ST6GALNAC3: variants seen among roughly 807,000 people sequenced by gnomAD.
ST6GALNAC3 encodes alpha-N-acetylgalactosaminide alpha-2,6-sialyltransferase 3.
A neutral mutation model predicts 32.7 loss-of-function variants in ST6GALNAC3; 25 were observed. The ratio of observed to expected loss-of-function variants is 0.76; its 90% confidence interval spans 0.56 to 1.07. ST6GALNAC3 has a LOEUF of 1.07. Ranked by LOEUF, ST6GALNAC3 falls within the 50% of genes least tolerant of loss-of-function variation. The probability of loss-of-function intolerance (pLI) is 0.00; values close to 1 mark genes in which losing one functional copy is unlikely to be tolerated. For synonymous variants in ST6GALNAC3, 129 were observed against 133.1 expected (o/e 0.97, Z 0.21); for missense variants, 355 against 382.4 (o/e 0.93, Z 0.60).
At chr1:76,341,677 CT>C (rs879611933) in intron 2 of ST6GALNAC3, among the ~76,000 whole-genome samples, 2,238 of 139,908 alleles carry the variant, frequency 0.016, 50 homozygotes, top group African/African-American at 0.024. Flanking sequence ...TTCTTTCTTT[CT>C]TTCCTTCTTT....
intron 3 of ST6GALNAC3, among the ~76,000 whole-genome samples, chr1:76,460,353 A>T (rs1248618605): frequency 1.3e-5 from 2 of 152,168 alleles, no homozygotes; most frequent in Non-Finnish European, 2.9e-5. Flanking sequence ...TTCAAGCATA[A>T]ATCTATAGAC....
intron 1 of ST6GALNAC3, among the ~76,000 whole-genome samples, chr1:76,156,798 C>G (rs1026464733): frequency 6.6e-6 from 1 of 152,206 alleles, no homozygotes; most frequent in Non-Finnish European, 1.5e-5. Context: ...GTGGCGCGAT[C>G]TTGGCTCACT....
intron 3 of ST6GALNAC3, among the ~76,000 whole-genome samples, chr1:76,541,053 G>A (rs778705570): frequency 2.6e-5 from 4 of 152,136 alleles, no homozygotes; most frequent in Non-Finnish European, 5.9e-5. Flanking sequence ...CAGGAAGGGA[G>A]TTTCAGAGGA....
At chr1:76,598,330 G>T (rs1055604252) in intron 3 of ST6GALNAC3, among the ~76,000 whole-genome samples, 2 of 152,094 alleles carry the variant, frequency 1.3e-5, no homozygotes, top group Non-Finnish European at 2.9e-5. Context: ...TTCTTCCTGA[G>T]CACGTGCCAG....
rs568402833 is a variant in ST6GALNAC3, at chr1:76,389,195, T to C, written c.214-22813T>C. ...GAGCTCTGGGCTAGGTCCTGCATGATGAAAAGGTATCTGCAAAATGGGAGG... is the reference window on the plus strand; with the variant it reads ...GAGCTCTGGGCTAGGTCCTGCATGACGAAAAGGTATCTGCAAAATGGGAGG... On this transcript the variant is annotated intron_variant, in intron 2 of 4. Coordinates refer to ENST00000328299, the MANE Select transcript of ST6GALNAC3 (RefSeq NM_152996.4). Among the ~76,000 whole-genome samples the C allele has an allele frequency of 3.9e-3, 596 of 152,070 alleles. 1 individual carries two copies. Among genetic ancestry groups the C allele is most frequent in the Non-Finnish European group, 5.9e-3 (400 of 67,974 alleles).
chr1:76,599,663 A>G (rs1310547868), intron 3 of ST6GALNAC3, among the ~76,000 whole-genome samples: 1 of 151,792 alleles, frequency 6.6e-6, no homozygotes, highest in Non-Finnish European at 1.5e-5. Context: ...GGAATATCCA[A>G]GTAATTCTAG....
chr1:76,478,084 G>A (rs577470243), intron 3 of ST6GALNAC3, among the ~76,000 whole-genome samples: 6 of 152,264 alleles, frequency 3.9e-5, no homozygotes, highest in Non-Finnish European at 7.4e-5. Context: ...GCTCCTTACT[G>A]GGGAGAATAG....
Position 76,629,744 on chromosome 1 carries a change from A to G in ST6GALNAC3, c.*938A>G. On this transcript the variant is annotated 3_prime_UTR_variant, in exon 5 of 5. Coordinates refer to ENST00000328299, the MANE Select transcript of ST6GALNAC3 (RefSeq NM_152996.4). ...ATTTTTAAAATCATGAAATAGAGACAGCAAAGCATATTTTTACATCAATTT... is the reference window on the plus strand; with the variant it reads ...ATTTTTAAAATCATGAAATAGAGACGGCAAAGCATATTTTTACATCAATTT... The G allele has an allele frequency of 2.0e-6, 2 of 980,434 alleles. No homozygotes were observed. Among genetic ancestry groups the G allele is most frequent in the Non-Finnish European group, 2.4e-6 (2 of 825,014 alleles). 60.7% of individuals were successfully genotyped at this position (980,434 alleles called of 1,614,324 possible).
intron 1 of ST6GALNAC3, among the ~76,000 whole-genome samples, chr1:76,141,169 A>G (rs1159161455): frequency 2.0e-5 from 3 of 152,064 alleles, no homozygotes; most frequent in African/African-American, 7.3e-5. Flanking sequence ...CCCAATGGAT[A>G]TTTTTATTAG....
intron 3 of ST6GALNAC3, among the ~76,000 whole-genome samples, chr1:76,568,899 A>AT (rs960820373): frequency 5.4e-4 from 82 of 151,418 alleles, no homozygotes; most frequent in African/African-American, 1.6e-3. Context: ...TTGTTAATTT[A>AT]TTTTTTTTTC....
intron 3 of ST6GALNAC3, among the ~76,000 whole-genome samples, chr1:76,586,365 A>G (rs1040171366): frequency 6.6e-6 from 1 of 152,200 alleles, no homozygotes; most frequent in Non-Finnish European, 1.5e-5. Flanking sequence ...AATCTGCTTA[A>G]CTAGAACACC....
At chr1:76,388,070 A>G (rs1479492863) in intron 2 of ST6GALNAC3, among the ~76,000 whole-genome samples, 2 of 152,130 alleles carry the variant, frequency 1.3e-5, no homozygotes, top group Admixed American at 6.6e-5. Flanking sequence ...CTTCTGTGTC[A>G]AGGCAGACTG....
At chr1:76,435,015 T>G (rs1656043480) in intron 3 of ST6GALNAC3, among the ~76,000 whole-genome samples, 1 of 152,020 alleles carries the variant, frequency 6.6e-6, no homozygotes, top group African/African-American at 2.4e-5. Context: ...GATCTCAAAC[T>G]CTTGACCTCA....
chr1:76,077,988 C>T (rs915194849), intron 1 of ST6GALNAC3, among the ~76,000 whole-genome samples: 9 of 152,164 alleles, frequency 5.9e-5, no homozygotes, highest in East Asian at 5.8e-4. Flanking sequence ...AAGAATAAAA[C>T]TACATAGGTC....
At chr1:76,209,532 T>C (rs1242745745) in intron 1 of ST6GALNAC3, among the ~76,000 whole-genome samples, 2 of 152,194 alleles carry the variant, frequency 1.3e-5, no homozygotes, top group Non-Finnish European at 2.9e-5. Flanking sequence ...CTAGCAGCTG[T>C]TCTGCTATAA....
intron 3 of ST6GALNAC3, among the ~76,000 whole-genome samples, chr1:76,462,584 A>T (rs930126311): frequency 2.0e-5 from 3 of 152,258 alleles, no homozygotes; most frequent in African/African-American, 7.2e-5. Context: ...TGCATGGCAC[A>T]TAGAAAGACA....
chr1:76,444,176 T>A (rs1656809664), intron 3 of ST6GALNAC3, among the ~76,000 whole-genome samples: 1 of 152,232 alleles, frequency 6.6e-6, no homozygotes, highest in South Asian at 2.1e-4. Flanking sequence ...GCCGCTGGCA[T>A]GGCAGGCGGT....
intron 2 of ST6GALNAC3, among the ~76,000 whole-genome samples, chr1:76,399,263 G>A (rs780763326): frequency 7.9e-5 from 12 of 151,930 alleles, no homozygotes; most frequent in Non-Finnish European, 1.3e-4. Context: ...CCTACCTGAT[G>A]GTATGAAAAT....
chr1:76,141,314 A>T lies in ST6GALNAC3; in HGVS notation c.18+66430A>T, dbSNP rs1389683727. 2.0e-5 allele frequency among the ~76,000 whole-genome samples: 3 copies of T among 152,170 alleles called. 1 individual carries two copies. The highest frequency in any genetic ancestry group is 4.1e-4 in the South Asian group (2 of 4,832). On this transcript the variant is annotated intron_variant, in intron 1 of 4. Transcript: ENST00000328299. ...TTCTCTCGTCTGTTGCCCAGAAAAG[A>T]AGTCAGTTTACGTATGCATCTTCCC... is the stretch of plus-strand genomic sequence containing the variant.
Sources: gnomAD v4.1 joint callset for allele counts (sites outside exome capture counted in the v4.1 genomes callset) on GRCh38, gnomAD v4.1.1 for gene constraint, MANE v1.5 for transcripts, NCBI Gene and HGNC (gene_info 2026-07-23, HGNC 2026-07-21) for gene names.